MCF2: variants seen among roughly 807,000 people sequenced by gnomAD.
MCF2 encodes MCF.2 cell line derived transforming sequence.
In MCF2, 44 loss-of-function variants were observed where a neutral mutation model predicts 82.5. That is an observed-to-expected ratio of 0.53 (90% CI 0.42 to 0.69). MCF2 has a LOEUF of 0.69. Ranked by LOEUF, MCF2 falls within the 30% of genes least tolerant of loss-of-function variation. The pLI, the probability that MCF2 is intolerant of heterozygous loss-of-function variation, is 0.00. For missense variants in MCF2, 623 were observed against 663.1 expected (o/e 0.94, Z 0.66); for synonymous variants, 217 against 224.9 (o/e 0.96, Z 0.32).
intron 1 of MCF2, among the ~76,000 whole-genome samples, chrX:139,681,760 A>G (rs1051922653): frequency 1.8e-5 from 2 of 111,955 alleles, no homozygotes; most frequent in Non-Finnish European, 3.8e-5. Context: ...TAATATCTCA[A>G]TAGTGTCTAG....
At chrX:139,594,847 C>A (rs752036512) in intron 19 of MCF2, among the ~76,000 whole-genome samples, 1 of 111,282 alleles carries the variant, frequency 9.0e-6, no homozygotes, top group East Asian at 2.8e-4. Context: ...GGCTAATATC[C>A]AGAATCTACA....
upstream of MCF2, among the ~76,000 whole-genome samples, chrX:139,646,129 C>T (rs1603299305): frequency 9.0e-6 from 1 of 111,428 alleles, no homozygotes; most frequent in Non-Finnish European, 1.9e-5. Context: ...TCTATTTGCC[C>T]TAAAAATATC....
intron 1 of MCF2, among the ~76,000 whole-genome samples, chrX:139,657,301 G>A (rs746259858): frequency 6.2e-5 from 7 of 112,268 alleles, no homozygotes; most frequent in Non-Finnish European, 1.1e-4. Context: ...TTGTGCCAAT[G>A]AGGATACAAA....
chrX:139,588,753 C>A (rs1029594810), intron 20 of MCF2, among the ~76,000 whole-genome samples: 7 of 106,984 alleles, frequency 6.5e-5, no homozygotes, highest in Non-Finnish European at 1.3e-4. Flanking sequence ...TCTACTACTA[C>A]TACTACTACT....
intron 2 of MCF2, among the ~76,000 whole-genome samples, chrX:139,650,484 T>C (rs778139778): frequency 1.0e-5 from 1 of 97,093 alleles, no homozygotes; most frequent in South Asian, 4.2e-4. Flanking sequence ...AATTAAACTA[T>C]TTAGAAGGAA....
At chrX:139,698,864 A>C (rs748650211) in intron 1 of MCF2, among the ~76,000 whole-genome samples, 15 of 111,949 alleles carry the variant, frequency 1.3e-4, no homozygotes, top group African/African-American at 4.9e-4. Flanking sequence ...GTTACTACTA[A>C]TAATTACAAA....
intron 19 of MCF2, among the ~76,000 whole-genome samples, chrX:139,591,892 A>G (rs1012534971): frequency 9.1e-6 from 1 of 109,619 alleles, no homozygotes; most frequent in African/African-American, 3.4e-5. Context: ...ATCTAAAATA[A>G]AAGTTAAAAA....
chrX:139,582,201 A>G, exon 25 of MCF2: 1 of 393,917 alleles, frequency 2.5e-6, no homozygotes, highest in Admixed American at 4.6e-5. Flanking sequence ...AGAAGAAATA[A>G]TTTTCAAGTC....
chrX:139,664,292 C>A (rs1198609802), intron 1 of MCF2, among the ~76,000 whole-genome samples: 1 of 109,087 alleles, frequency 9.2e-6, no homozygotes, highest in Admixed American at 9.7e-5. Flanking sequence ...CATTGAGCCA[C>A]CGCGCCCAGC....
chrX:139,628,739 A>T (rs747583917), intron 4 of MCF2, among the ~76,000 whole-genome samples: 1 of 112,348 alleles, frequency 8.9e-6, no homozygotes, highest in South Asian at 3.7e-4. Context: ...GACAAGTTAT[A>T]TGAATGCCCA....
chrX:139,603,304 G>A (rs1284699359), intron 15 of MCF2, among the ~76,000 whole-genome samples: 3 of 112,252 alleles, frequency 2.7e-5, no homozygotes, highest in Admixed American at 9.5e-5. Context: ...TGCTAAGAAC[G>A]CTGCTAACCC....
At chrX:139,640,455 G>A (rs998343538) in intron 1 of MCF2, among the ~76,000 whole-genome samples, 7 of 111,702 alleles carry the variant, frequency 6.3e-5, no homozygotes, top group Admixed American at 9.6e-5. Context: ...GTCAAGTGAC[G>A]TCAGGAGGAT....
At chrX:139,625,242 C>A (rs6634093) in intron 6 of MCF2, among the ~76,000 whole-genome samples, 2 of 110,816 alleles carry the variant, frequency 1.8e-5, no homozygotes, top group African/African-American at 6.6e-5. Context: ...GGTATGCATG[C>A]AAATTAATAT....
At chrX:139,604,822 TTAAA>T (rs1322215261) in intron 14 of MCF2, 43 bp downstream of exon 18, 1 of 1,059,549 alleles carries the variant, frequency 9.4e-7, no homozygotes, top group Admixed American at 2.4e-5. Flanking sequence ...AGAGAGCACT[TTAAA>T]TAGTTTTATA....
intron 1 of MCF2, 84 bp from the exon 5 acceptor site, chrX:139,632,538 G>A: frequency 1.3e-6 from 1 of 774,272 alleles, no homozygotes; most frequent in Non-Finnish European, 1.8e-6. Flanking sequence ...ATATGTAACT[G>A]AAGGAAACAA....
At chrX:139,697,298 T>TGC (rs1935402939) in intron 1 of MCF2, among the ~76,000 whole-genome samples, 1 of 111,782 alleles carries the variant, frequency 8.9e-6, no homozygotes, top group Non-Finnish European at 1.9e-5. Flanking sequence ...ATGAAACCAA[T>TGC]ATCATGAAAA....
chrX:139,669,274 TG>T (rs746917201), intron 1 of MCF2, among the ~76,000 whole-genome samples: 2 of 112,052 alleles, frequency 1.8e-5, no homozygotes, highest in Non-Finnish European at 3.8e-5. Context: ...CATGAGCACA[TG>T]CAAGGATGCT....
chrX:139,684,048 C>T (rs1935065276), intron 1 of MCF2, among the ~76,000 whole-genome samples: 1 of 112,529 alleles, frequency 8.9e-6, no homozygotes, highest in South Asian at 3.7e-4. Flanking sequence ...AGACAACCCA[C>T]AGAGTGGGAG....
exon 5 of MCF2, chrX:139,626,699 G>C (rs764686079): frequency 1.7e-6 from 2 of 1,206,246 alleles, no homozygotes; most frequent in Non-Finnish European, 2.2e-6. Context: ...TCAGTGTCAG[G>C]CACTTCCAGA....
Sources: allele counts gnomAD v4.1 joint callset (sites outside exome capture counted in the v4.1 genomes callset), GRCh38; gene constraint gnomAD v4.1.1; transcripts MANE v1.5; gene names NCBI Gene and HGNC (gene_info 2026-07-23, HGNC 2026-07-21).